Variants in ZNF385D observed in about 807,000 individuals in gnomAD.
ZNF385D encodes the protein zinc finger protein 385D.
A neutral mutation model predicts 35.8 loss-of-function variants in ZNF385D; 15 were observed. The observed-to-expected ratio is 0.42, with a 90% CI of 0.28 to 0.64. ZNF385D has a LOEUF of 0.64. Among genes scored for constraint, ZNF385D ranks in the 30% least tolerant of loss-of-function variants. The pLI is 0.23. For missense variants in ZNF385D, 474 were observed against 494.6 expected (o/e 0.96, Z 0.39); for synonymous variants, 212 against 186.8 (o/e 1.13, Z -1.10).
At chr3:22,355,740 A>G (rs988312631) in intron 2 of ZNF385D, among the ~76,000 whole-genome samples, 1 of 152,060 alleles carries the variant, frequency 6.6e-6, no homozygotes, top group Non-Finnish European at 1.5e-5. Flanking sequence ...GAATTAAATC[A>G]TCTATAGAGT....
At chr3:21,475,017 A>AT (rs1459103730) in intron 4 of ZNF385D, among the ~76,000 whole-genome samples, 1 of 151,986 alleles carries the variant, frequency 6.6e-6, no homozygotes, top group Non-Finnish European at 1.5e-5. Flanking sequence ...CATGTTATAT[A>AT]TTTTTTCATA....
At chr3:21,661,238 C>T (rs2066230253) in intron 2 of ZNF385D, among the ~76,000 whole-genome samples, 1 of 152,076 alleles carries the variant, frequency 6.6e-6, no homozygotes, top group Non-Finnish European at 1.5e-5. Flanking sequence ...TTTTTTCACC[C>T]AACCCTCACT....
intron 2 of ZNF385D, among the ~76,000 whole-genome samples, chr3:21,610,231 A>G (rs1327342393): frequency 6.6e-6 from 1 of 152,110 alleles, no homozygotes; most frequent in Non-Finnish European, 1.5e-5. Context: ...TATTACAACA[A>G]AGGACAAACA....
At chr3:22,062,123 G>A (rs932018694) in intron 3 of ZNF385D, among the ~76,000 whole-genome samples, 1 of 151,966 alleles carries the variant, frequency 6.6e-6, no homozygotes, top group Admixed American at 6.6e-5. Flanking sequence ...CTGCAGCCTC[G>A]ACCTCCTAAG....
chr3:21,576,181 T>G (rs1265662240), intron 2 of ZNF385D, among the ~76,000 whole-genome samples: 1 of 152,186 alleles, frequency 6.6e-6, no homozygotes, highest in Admixed American at 6.5e-5. Flanking sequence ...CAGACTATTT[T>G]TGCACCAGGG....
At chr3:22,082,527 G>A (rs1700805825) in intron 3 of ZNF385D, among the ~76,000 whole-genome samples, 2 of 152,282 alleles carry the variant, frequency 1.3e-5, no homozygotes, top group South Asian at 4.2e-4. Context: ...TGAGGCTTGA[G>A]TAGGTAAACA....
intron 5 of ZNF385D, among the ~76,000 whole-genome samples, chr3:21,435,398 C>A (rs1453632215): frequency 6.6e-6 from 1 of 151,700 alleles, no homozygotes; most frequent in African/African-American, 2.4e-5. Context: ...GCTGCAACTA[C>A]AGGCACATGC....
rs982662428 is a variant in ZNF385D at position 21,854,884 on chromosome 3, C to T, written c.326-189856G>A. On this transcript the variant is annotated intron_variant, in intron 3 of 5. Transcript: ENST00000494108. ...GATATGGCCAGCTAAGGAATGATGA[C>T]AGGTTTGAGTAGTAAATTGAAAATT... 2.6e-5 allele frequency among the ~76,000 whole-genome samples: 4 copies of T among 151,882 alleles called. No individual in the cohort carries two copies. The East Asian group carries it at 7.7e-4, about 29-fold the overall frequency.
At chr3:21,451,470 T>C (rs1316127029) in intron 4 of ZNF385D, among the ~76,000 whole-genome samples, 1 of 127,184 alleles carries the variant, frequency 7.9e-6, no homozygotes, top group Non-Finnish European at 1.7e-5. Context: ...TGTCTCATTA[T>C]TTTTTGCTGT....
rs1045567859 is a variant in ZNF385D, at chr3:21,927,962, G to T, written c.325+240855C>A. On this transcript the variant is annotated intron_variant, in intron 3 of 5. Coordinates refer to the ZNF385D transcript ENST00000494108. The stretch of plus-strand genomic sequence containing the variant: ...ACATTGGCTAGACATGGTGGCTTGT[G>T]CCTGAAATCCCAATATTTTGGGAGG... Among the ~76,000 whole-genome samples the T allele has an allele frequency of 1.3e-5, 2 of 152,110 alleles. 1 individual carries two copies. The highest frequency in any genetic ancestry group is 2.9e-5 in the Non-Finnish European group (2 of 68,026).
At chr3:22,146,953 T>C (rs185435236) in intron 3 of ZNF385D, among the ~76,000 whole-genome samples, 105 of 152,258 alleles carry the variant, frequency 6.9e-4, no homozygotes, top group Non-Finnish European at 1.1e-3. Flanking sequence ...TTAATGGAGA[T>C]AAAACAGAAA....
At chr3:21,752,239 T>C (rs1472670805), upstream of ZNF385D, among the ~76,000 whole-genome samples, 2 of 152,192 alleles carry the variant, frequency 1.3e-5, 1 homozygote. Flanking sequence ...TTCCGTTTCC[T>C]AAGGACTCAT....
intron 1 of ZNF385D, among the ~76,000 whole-genome samples, chr3:21,715,177 G>C (rs2068265878): frequency 6.6e-6 from 1 of 152,030 alleles, no homozygotes; most frequent in Non-Finnish European, 1.5e-5. Flanking sequence ...AAGACTTTCA[G>C]GGTATCCATC....
At chr3:21,748,901 T>C (rs2069915538) in intron 1 of ZNF385D, among the ~76,000 whole-genome samples, 1 of 152,208 alleles carries the variant, frequency 6.6e-6, no homozygotes, top group African/African-American at 2.4e-5. Context: ...CTCAATTCTT[T>C]TTGCCCTCGC....
Position 21,424,847 on chromosome 3 carries a change from AAAGAT to A in ZNF385D, c.852+640_852+644del, listed in dbSNP as rs1021527365. On this transcript the variant is annotated intron_variant, in intron 6 of 7. Coordinates refer to ENST00000281523, the MANE Select transcript of ZNF385D (RefSeq NM_024697.3). ...GTCAAATGTCAAACCCTTAAATTCT[AAAGAT>A]AAATAAGGTGCATAAAATCAGCAAA... Among the ~76,000 whole-genome samples, 178 of 152,260 alleles carry A rather than the reference AAAGAT, an allele frequency of 1.2e-3. 1 individual carries two copies. The highest frequency in any genetic ancestry group is 3.9e-3 in the African/African-American group (160 of 41,554).
intron 2 of ZNF385D, among the ~76,000 whole-genome samples, chr3:22,310,081 C>T (rs1422589746): frequency 2.6e-5 from 4 of 151,940 alleles, no homozygotes; most frequent in Non-Finnish European, 2.9e-5. Flanking sequence ...AATACATCTG[C>T]TAGTCTGGAT....
chr3:22,017,675 T>C (rs1696975607), intron 3 of ZNF385D, among the ~76,000 whole-genome samples: 1 of 151,986 alleles, frequency 6.6e-6, no homozygotes, highest in Non-Finnish European at 1.5e-5. Context: ...AACAATTAAA[T>C]TGAATTGTAA....
chr3:22,041,231 T>C (rs1010716737), intron 3 of ZNF385D, among the ~76,000 whole-genome samples: 3 of 152,096 alleles, frequency 2.0e-5, no homozygotes, highest in Admixed American at 1.3e-4. Flanking sequence ...TCTCTAGAAA[T>C]GACACATGGT....
upstream of ZNF385D, among the ~76,000 whole-genome samples, chr3:21,756,037 T>G (rs2125570677): frequency 6.6e-6 from 1 of 152,316 alleles, no homozygotes; most frequent in East Asian, 1.9e-4. Context: ...TGACTTTTAT[T>G]ATGACTTACA....
Sources: allele counts gnomAD v4.1 joint callset (sites outside exome capture counted in the v4.1 genomes callset), GRCh38; gene constraint gnomAD v4.1.1; transcripts MANE v1.5; gene names NCBI Gene and HGNC (gene_info 2026-07-23, HGNC 2026-07-21).